AAK1: variants seen among roughly 807,000 people sequenced by gnomAD.
The protein encoded by AAK1 is AP2-associated protein kinase 1.
AAK1 carries 37 observed loss-of-function variants against 116.0 expected under a neutral mutation model. The ratio of observed to expected loss-of-function variants is 0.32; its 90% CI spans 0.25 to 0.42. The LOEUF is 0.42. AAK1 is among the 10% of genes least tolerant of loss of function. AAK1 has a pLI of 1.00. For missense variants in AAK1, 919 were observed against 1,170.6 expected, an observed-to-expected ratio of 0.79 and a Z score of 3.14; for synonymous variants, 458 against 439.9, an observed-to-expected ratio of 1.04 and a Z score of -0.51.
Position 69,587,473 on chromosome 2 carries a change from A to T in AAK1, c.164-30495T>A, listed in dbSNP as rs538702553. Among the ~76,000 whole-genome samples the T allele has an allele frequency of 4.1e-4, 59 of 145,576 alleles. 1 individual carries two copies. The East Asian group carries it at 6.3e-3, about 16-fold the overall frequency. On this transcript the variant is annotated intron_variant, in intron 2 of 21. Coordinates refer to ENST00000409085, the MANE Select transcript of AAK1 (RefSeq NM_014911.5). ...TATATATGTGTGTGTATATATATAT[A>T]TATATTTTTTTGATGTCGTTTCGCT... is the stretch of plus-strand genomic sequence containing the variant.
intron 2 of AAK1, among the ~76,000 whole-genome samples, chr2:69,617,622 T>C (rs1461275457): frequency 6.6e-6 from 1 of 152,246 alleles, no homozygotes; most frequent in Non-Finnish European, 1.5e-5. Context: ...ATCGTTATTG[T>C]AAGATGCAGC....
intron 2 of AAK1, among the ~76,000 whole-genome samples, chr2:69,567,654 G>A (rs1360863839): frequency 6.6e-6 from 1 of 152,134 alleles, no homozygotes; most frequent in Admixed American, 6.5e-5. Context: ...TGGACTAGAA[G>A]GGACATATAT....
At chr2:69,542,421 A>C (rs1670760473) in intron 5 of AAK1, 102 bp downstream of exon 5, 2 of 1,385,600 alleles carry the variant, frequency 1.4e-6, no homozygotes, top group East Asian at 4.7e-5. Context: ...AACAGGGACC[A>C]TATCTTAAAT....
chr2:69,490,892 A>G (rs563910105), intron 17 of AAK1, among the ~76,000 whole-genome samples: 3 of 151,406 alleles, frequency 2.0e-5, no homozygotes, highest in Middle Eastern at 3.4e-3. Flanking sequence ...AAATTCCTCA[A>G]TCTTTCTAAA....
intron 2 of AAK1, among the ~76,000 whole-genome samples, chr2:69,588,813 G>A (rs1385299647): frequency 6.6e-6 from 1 of 151,950 alleles, no homozygotes; most frequent in Non-Finnish European, 1.5e-5. Flanking sequence ...GTGGATCAAG[G>A]TTTACTATTG....
intron 2 of AAK1, among the ~76,000 whole-genome samples, chr2:69,629,355 C>T (rs1200860377): frequency 1.3e-5 from 2 of 152,192 alleles, no homozygotes; most frequent in Admixed American, 6.5e-5. Context: ...AGCTAATTGT[C>T]TCCATCTTTA....
chr2:69,610,050 CAAAAAAA>C (rs760754177), intron 2 of AAK1, among the ~76,000 whole-genome samples: 6 of 53,526 alleles, frequency 1.1e-4, no homozygotes, highest in South Asian at 5.0e-4. Context: ...GACTCTGTCT[CAAAAAAA>C]AAAAAAAAAA....
intron 2 of AAK1, among the ~76,000 whole-genome samples, chr2:69,621,271 T>A (rs116146769): frequency 0.02 from 2,979 of 151,962 alleles, 53 homozygotes; most frequent in Non-Finnish European, 0.024. Context: ...AGGTCGGGAG[T>A]TCGAGACCAG....
rs565550065 is a variant in AAK1, at chr2:69,560,038, A to C, written c.164-3060T>G. Among the ~76,000 whole-genome samples, 179 of 152,360 alleles carry C rather than the reference A, an allele frequency of 1.2e-3. 1 individual carries two copies. Among genetic ancestry groups the C allele is most frequent in the African/African-American group, 4.1e-3 (171 of 41,584 alleles). Reference sequence around the variant, plus strand: ...CTATGACCATGATAAATCTAAAAGCAAATCAGTGAATCACTTTACTTAACA... The same window carrying C: ...CTATGACCATGATAAATCTAAAAGCCAATCAGTGAATCACTTTACTTAACA... On this transcript the variant is annotated intron_variant, in intron 2 of 21. Transcript: ENST00000409085.
At chr2:69,587,609 G>T (rs1398745032) in intron 2 of AAK1, among the ~76,000 whole-genome samples, 1 of 151,846 alleles carries the variant, frequency 6.6e-6, no homozygotes, top group Non-Finnish European at 1.5e-5. Flanking sequence ...GGTATTACAG[G>T]GGCATGCCAC....
rs557305349 is a variant in AAK1 at position 69,544,489 on chromosome 2, T to G, written c.338A>C (p.Asn113Thr). ...IVGYIDSSIN[N>T]VSSGDVWEVL... The stretch of plus-strand genomic sequence containing the variant: ...TTCCCATACATCACCGCTACTCACG[T>G]TGTTGATACTAGAATCAATGTAACC... Residue 113 changes from asparagine to threonine, a missense_variant, in exon 4 of 22, where the codon AAC (asparagine) becomes ACC (threonine). Around this residue, in one of 4 missense-constraint regions of AAK1, gnomAD observed 317 missense variants for 490.4 expected, o/e 0.65. Transcript: ENST00000409085. 8.2e-5 allele frequency: 132 copies of G among 1,613,864 alleles called. 2 individuals are homozygous for G. The South Asian group carries it at 1.4e-3, about 17-fold the overall frequency.
Position 69,460,974 on chromosome 2 carries a change from A to G in AAK1, c.*14895T>C, listed in dbSNP as rs1284979327. The G allele has an allele frequency of 2.0e-5, 3 of 152,224 alleles. No individual in the cohort carries two copies. Among genetic ancestry groups the G allele is most frequent in the African/African-American group, 4.8e-5 (2 of 41,464 alleles). The allele number at this position is 152,224 out of a possible 1,614,324, so 9.4% of individuals were successfully genotyped here. On this transcript the variant is annotated 3_prime_UTR_variant, in exon 22 of 22. Coordinates refer to ENST00000409085, the MANE Select transcript of AAK1 (RefSeq NM_014911.5). ...AAAGGTCACAACTTCTATGTTCCCT[A>G]TCAAATGTGTAAAGCAAAAACACAA... is the stretch of plus-strand genomic sequence containing the variant.
chr2:69,466,022 G>C lies in AAK1; in HGVS notation c.*9847C>G. ...AAAACACGTCTGACTCCTCTGGCTG[G>C]GAAGGAGCCATACTGCTCTTGGAGA... is the stretch of plus-strand genomic sequence containing the variant. On this transcript the variant is annotated 3_prime_UTR_variant, in exon 22 of 22. Coordinates refer to ENST00000409085, the MANE Select transcript of AAK1 (RefSeq NM_014911.5). 7.7e-7 allele frequency: 1 copy of C among 1,290,854 alleles called. No homozygotes were observed. Among genetic ancestry groups the C allele is most frequent in the Non-Finnish European group, 1.0e-6 (1 of 988,880 alleles). 80.0% of individuals were successfully genotyped at this position (1,290,854 alleles called of 1,614,324 possible). A position where few individuals can be genotyped will look rare whatever the true frequency, so the allele number is the denominator to read the frequency against.
Position 69,472,745 on chromosome 2 carries a change from T to C in AAK1, c.*3124A>G. 1.0e-6 allele frequency: 1 copy of C among 985,466 alleles called. No individual in the cohort carries two copies. The highest frequency in any genetic ancestry group is 1.2e-6 in the Non-Finnish European group (1 of 829,928). The allele number at this position is 985,466 out of a possible 1,614,324, so 61.0% of individuals were successfully genotyped here. On this transcript the variant is annotated 3_prime_UTR_variant, in exon 22 of 22. Transcript: ENST00000409085. ...GCAAATCAGAAACATATGCTTATAG[T>C]ATTTGCCCGTTTTAAACTGGTAGAT...
chr2:69,521,122 T>C, intron 10 of AAK1, 134 bp from the exon 11 acceptor site: 1 of 971,416 alleles, frequency 1.0e-6, no homozygotes, highest in South Asian at 1.6e-5. Flanking sequence ...TCCCAAAGAA[T>C]CTCCCACAGG....
chr2:69,519,300 C>T lies in AAK1; in HGVS notation c.1211-60G>A. On this transcript the variant is annotated intron_variant, in intron 11 of 21. Coordinates refer to ENST00000409085, the MANE Select transcript of AAK1 (RefSeq NM_014911.5). ...AATGCTTCCACACAAAAATGGCTTTCTGTCTTGCCAAAACAACTAATAGGG... is the reference window on the plus strand; with the variant it reads ...AATGCTTCCACACAAAAATGGCTTTTTGTCTTGCCAAAACAACTAATAGGG... 4 of 1,469,380 alleles carry T rather than the reference C, an allele frequency of 2.7e-6. 1 individual carries two copies. The South Asian group carries it at 5.7e-5, about 21-fold the overall frequency. 91.0% of individuals were successfully genotyped at this position (1,469,380 alleles called of 1,614,324 possible). A position where few individuals can be genotyped will look rare whatever the true frequency, so the allele number is the denominator to read the frequency against.
At chr2:69,603,944 G>A (rs926901770) in intron 2 of AAK1, among the ~76,000 whole-genome samples, 1 of 152,122 alleles carries the variant, frequency 6.6e-6, no homozygotes, top group Non-Finnish European at 1.5e-5. Flanking sequence ...TGAAAAATGA[G>A]GTATTTTCCG....
chr2:69,511,994 G>T (rs1380153873), intron 13 of AAK1, among the ~76,000 whole-genome samples: 4 of 152,150 alleles, frequency 2.6e-5, no homozygotes, highest in Admixed American at 2.0e-4. Flanking sequence ...CTTAGAAAAT[G>T]CAGATTTCAA....
intron 2 of AAK1, among the ~76,000 whole-genome samples, chr2:69,607,293 AC>A (rs1407879917): frequency 6.6e-6 from 1 of 152,132 alleles, no homozygotes; most frequent in Non-Finnish European, 1.5e-5. Context: ...GCAGGAGCAC[AC>A]CTGGCATACT....
Sources: gnomAD v4.1 joint callset for allele counts (sites outside exome capture counted in the v4.1 genomes callset) on GRCh38, gnomAD v4.1.1 for gene constraint, gnomAD v4.1.1 regional missense constraint, MANE v1.5 for transcripts, NCBI Gene and HGNC (gene_info 2026-07-23, HGNC 2026-07-21) for gene names.